The following FNIP1 variants were observed in gnomAD, a reference collection of about 807,000 sequenced individuals.
FNIP1 encodes folliculin-interacting protein 1.
In FNIP1, 40 loss-of-function variants were observed where a neutral mutation model predicts 124.5. The observed-to-expected ratio is 0.32, with a 90% CI of 0.25 to 0.42. FNIP1 has a LOEUF of 0.42. Among genes scored for constraint, FNIP1 ranks in the 10% least tolerant of loss-of-function variants. The probability of loss-of-function intolerance (pLI) is 1.00; values close to 1 mark genes in which losing one functional copy is unlikely to be tolerated. For synonymous variants in FNIP1, 472 were observed against 470.6 expected, an observed-to-expected ratio of 1.00 and a Z score of -0.04; for missense variants, 1,176 against 1,403.7, an observed-to-expected ratio of 0.84 and a Z score of 2.59.
chr5:131,733,644 T>C (rs976391731), intron 2 of FNIP1, among the ~76,000 whole-genome samples: 1 of 152,234 alleles, frequency 6.6e-6, no homozygotes, highest in South Asian at 2.1e-4. Flanking sequence ...TTGATTTGCG[T>C]ATGTTAAACC....
intron 2 of FNIP1, among the ~76,000 whole-genome samples, chr5:131,731,641 CA>C (rs566611225): frequency 6.8e-5 from 9 of 132,130 alleles, no homozygotes; most frequent in Admixed American, 7.8e-5. Flanking sequence ...GACTCTGTTT[CA>C]AAAAAAAAAA....
chr5:131,743,917 T>A (rs1200243381), intron 2 of FNIP1, among the ~76,000 whole-genome samples: 1 of 152,074 alleles, frequency 6.6e-6, no homozygotes, highest in Non-Finnish European at 1.5e-5. Flanking sequence ...AAAAATTATT[T>A]TAGCAGCTTT....
intron 8 of FNIP1, 32 bp from the exon 9 acceptor site, chr5:131,706,578 C>T: frequency 6.7e-7 from 1 of 1,487,758 alleles, no homozygotes; most frequent in Non-Finnish European, 9.0e-7. Flanking sequence ...AAGTATAAGT[C>T]AATAATGACT....
At position 131,730,991 on chromosome 5, in the gene FNIP1, T is replaced by G; in HGVS notation, c.267A>C (p.Gln89His). 4 of 1,613,356 alleles carry G rather than the reference T, an allele frequency of 2.5e-6. No homozygotes were observed. The highest frequency in any genetic ancestry group is 3.4e-6 in the Non-Finnish European group (4 of 1,179,642). ...AAGAACTGTCTCCTCCAGGTTTCAG[T>G]TGGCAGCATTTCCCAAAGACTTTAA... ...AQVKVFGKCC[Q>H]LKPGGDSSSS... The change falls in exon 3 of 18, where the codon CAA (glutamine) becomes CAC (histidine). Residue 89 changes from glutamine (Q) to histidine (H), a missense_variant. Gln to His is a conservative substitution (Grantham distance 24). Coordinates refer to ENST00000510461, the MANE Select transcript of FNIP1 (RefSeq NM_133372.3).
chr5:131,682,498 C>T (rs1474412705), intron 11 of FNIP1, among the ~76,000 whole-genome samples: 1 of 151,884 alleles, frequency 6.6e-6, no homozygotes, highest in Non-Finnish European at 1.5e-5. Context: ...GTGGGCGGAT[C>T]ACCTGAGGTT....
chr5:131,701,831 C>G (rs891713571), intron 10 of FNIP1, among the ~76,000 whole-genome samples: 1 of 152,202 alleles, frequency 6.6e-6, no homozygotes, highest in African/African-American at 2.4e-5. Context: ...TTGCAAACAG[C>G]CTTAAAGACA....
chr5:131,658,129 A>G lies in FNIP1; in HGVS notation c.3109-6130T>C, dbSNP rs556588246. 4.6e-5 allele frequency among the ~76,000 whole-genome samples: 7 copies of G among 152,286 alleles called. No individual in the cohort carries two copies. In the South Asian group the frequency reaches 1.5e-3, roughly 32 times the overall value. ...AGAGGAATGAACAAAAGACAACTCG[A>G]TAGAGACGAGTGCTTCCAAACTAGT... On this transcript the variant is annotated intron_variant, in intron 15 of 17. Coordinates refer to ENST00000510461, the MANE Select transcript of FNIP1 (RefSeq NM_133372.3).
At chr5:131,662,816 C>T (rs1194738710) in intron 15 of FNIP1, among the ~76,000 whole-genome samples, 1 of 150,548 alleles carries the variant, frequency 6.6e-6, no homozygotes, top group East Asian at 1.9e-4. Context: ...CTTGGCTCAC[C>T]ACAACCTTGG....
chr5:131,772,419 CCA>C lies in FNIP1; in HGVS notation c.92+24409_92+24410del, dbSNP rs1491116837. On this transcript the variant is annotated intron_variant, in intron 1 of 17. Transcript: ENST00000510461. ...TGTATCTGAATAAAACAAATTCAAA[CCA>C]AAAAAAAAAAAAAAAATTACTGTAA... Among the ~76,000 whole-genome samples the C allele has an allele frequency of 2.2e-4, 11 of 50,770 alleles. No homozygotes were observed. In the East Asian group the frequency reaches 2.9e-3, roughly 13 times the overall value. 33.3% of individuals were successfully genotyped at this position (50,770 alleles called of 152,430 possible). A position where few individuals can be genotyped will look rare whatever the true frequency, so the allele number is the denominator to read the frequency against.
At chr5:131,733,582 A>G (rs1368346217) in intron 2 of FNIP1, among the ~76,000 whole-genome samples, 2 of 152,192 alleles carry the variant, frequency 1.3e-5, no homozygotes, top group Non-Finnish European at 2.9e-5. Flanking sequence ...ATCTATTGAG[A>G]TAATCACGTG....
intron 1 of FNIP1, among the ~76,000 whole-genome samples, chr5:131,773,476 T>C (rs1310280496): frequency 6.6e-6 from 1 of 152,162 alleles, no homozygotes; most frequent in East Asian, 1.9e-4. Context: ...TCCACCAATC[T>C]CTAACTACCA....
chr5:131,737,406 C>T (rs570239860), intron 2 of FNIP1, among the ~76,000 whole-genome samples: 1 of 152,256 alleles, frequency 6.6e-6, no homozygotes, highest in South Asian at 2.1e-4. Context: ...AAGTATGTCC[C>T]TTTTCTTCCT....
intron 1 of FNIP1, among the ~76,000 whole-genome samples, chr5:131,780,952 G>T (rs1043956122): frequency 6.6e-6 from 1 of 152,188 alleles, no homozygotes; most frequent in East Asian, 1.9e-4. Context: ...CAAAAGACAG[G>T]CCTCTTGCAC....
intron 1 of FNIP1, among the ~76,000 whole-genome samples, chr5:131,757,848 C>T (rs1771098840): frequency 1.3e-5 from 2 of 152,082 alleles, no homozygotes; most frequent in South Asian, 4.2e-4. Context: ...AATAACATAG[C>T]TTTATGTTTA....
intron 2 of FNIP1, among the ~76,000 whole-genome samples, chr5:131,740,545 A>T (rs753642447): frequency 1.4e-4 from 22 of 152,234 alleles, no homozygotes; most frequent in Non-Finnish European, 2.9e-4. Flanking sequence ...ACTGTTGTTG[A>T]CATAAAAACA....
At chr5:131,678,368 G>A (rs1767971026) in intron 12 of FNIP1, among the ~76,000 whole-genome samples, 1 of 152,032 alleles carries the variant, frequency 6.6e-6, no homozygotes, top group African/African-American at 2.4e-5. Context: ...ACATCACATT[G>A]AAAATGCATC....
In FNIP1 at chr5:131,702,030, A is replaced by G. The variant is rs77694888; in HGVS notation, c.1116+2035T>C. The stretch of plus-strand genomic sequence containing the variant: ...AATCTCCTCTAAAAAATAATCTGGA[A>G]AATTCGCCAAGATGTTAACGATAGG... On this transcript the variant is annotated intron_variant, in intron 10 of 17. Transcript: ENST00000510461. 4.2e-3 allele frequency among the ~76,000 whole-genome samples: 645 copies of G among 152,344 alleles called. 8 individuals carry two copies. The highest frequency in any genetic ancestry group is 0.015 in the African/African-American group (613 of 41,580).
intron 16 of FNIP1, among the ~76,000 whole-genome samples, chr5:131,648,864 G>GA (rs1481251965): frequency 6.6e-6 from 1 of 152,102 alleles, no homozygotes; most frequent in African/African-American, 2.4e-5. Flanking sequence ...CAGTCTCTAT[G>GA]AATCTGCCTA....
intron 1 of FNIP1, among the ~76,000 whole-genome samples, chr5:131,758,553 T>G (rs1771123545): frequency 6.6e-6 from 1 of 152,234 alleles, no homozygotes. Flanking sequence ...TAGTAATTAC[T>G]ATTAAGCAAT....
Sources: gnomAD v4.1 joint callset for allele counts (sites outside exome capture counted in the v4.1 genomes callset) on GRCh38, gnomAD v4.1.1 for gene constraint, MANE v1.5 for transcripts, NCBI Gene and HGNC (gene_info 2026-07-23, HGNC 2026-07-21) for gene names.